The following SLC15A1 variants were observed in gnomAD, a reference collection of about 807,000 sequenced individuals.
SLC15A1 encodes the protein Caco-2 oligopeptide transporter.
A neutral mutation model predicts 92.9 loss-of-function variants in SLC15A1; 83 were observed. That is an observed-to-expected ratio of 0.89 (90% CI 0.75 to 1.07). The LOEUF is 1.07. Among genes scored for constraint, SLC15A1 ranks in the 50% least tolerant of loss-of-function variants. The pLI, the probability that SLC15A1 is intolerant of heterozygous loss-of-function variation, is 0.00. For synonymous variants in SLC15A1, 322 were observed against 318.2 expected, an observed-to-expected ratio of 1.01 and a Z score of -0.13; for missense variants, 857 against 880.1, an observed-to-expected ratio of 0.97 and a Z score of 0.33.
chr13:98,699,288 G>A (rs1214936770), intron 18 of SLC15A1, among the ~76,000 whole-genome samples: 1 of 152,212 alleles, frequency 6.6e-6, no homozygotes, highest in Non-Finnish European at 1.5e-5. Flanking sequence ...GAACCAGTGA[G>A]CTGTCCCTCT....
chr13:98,686,139 C>G (rs777033364), intron 22 of SLC15A1, 51 bp downstream of exon 22: 1 of 1,357,928 alleles, frequency 7.4e-7, no homozygotes, highest in Non-Finnish European at 1.0e-6. Context: ...ACCATGATGA[C>G]CATGAACAGG....
chr13:98,694,763 A>C (rs1307688009), intron 18 of SLC15A1, among the ~76,000 whole-genome samples: 1 of 152,226 alleles, frequency 6.6e-6, no homozygotes, highest in African/African-American at 2.4e-5. Context: ...ATGGTGGCTC[A>C]TGCCTGTAAT....
chr13:98,750,237 C>CT (rs1185506710), intron 1 of SLC15A1, among the ~76,000 whole-genome samples: 2 of 152,080 alleles, frequency 1.3e-5, no homozygotes, highest in East Asian at 3.9e-4. Context: ...CTCAGCCTCC[C>CT]TAGTAGCTGG....
At chr13:98,738,720 C>T (rs745695312) in intron 1 of SLC15A1, among the ~76,000 whole-genome samples, 6 of 152,236 alleles carry the variant, frequency 3.9e-5, no homozygotes, top group Non-Finnish European at 8.8e-5. Flanking sequence ...AAGCCTGCTG[C>T]AGGGGCGGAG....
At chr13:98,750,103 C>T (rs2139618381) in intron 1 of SLC15A1, among the ~76,000 whole-genome samples, 1 of 152,122 alleles carries the variant, frequency 6.6e-6, no homozygotes, top group South Asian at 2.1e-4. Context: ...TGCATTGCCA[C>T]ACCCAAAGCA....
In SLC15A1 at chr13:98,715,929, CT is replaced by C. The variant is rs1341983795; in HGVS notation, c.671del (p.Lys224ArgfsTer60). On this transcript the variant is annotated frameshift_variant, in exon 9 of 23. Coordinates refer to ENST00000376503, the MANE Select transcript of SLC15A1 (RefSeq NM_005073.4). LOFTEE classifies it high-confidence loss of function. ...TGATGTTGCCCTGTGGCTTGAACTTCTTGTACATCCCACTGCCAAGGACAAA... is the reference window on the plus strand; with the variant it reads ...TGATGTTGCCCTGTGGCTTGAACTTCTGTACATCCCACTGCCAAGGACAAA... ...IVFVLGSGMY[K>X]KFKPQGNIMG... The C allele has an allele frequency of 3.7e-6, 6 of 1,614,046 alleles. No homozygotes were observed. The African/African-American group carries it at 8.0e-5, about 22-fold the overall frequency.
chr13:98,738,192 T>C (rs879734028), intron 1 of SLC15A1, among the ~76,000 whole-genome samples: 1 of 152,202 alleles, frequency 6.6e-6, no homozygotes, highest in Non-Finnish European at 1.5e-5. Flanking sequence ...CTAGAACTTA[T>C]ATTTAAAGGG....
At chr13:98,694,004 A>G (rs58877989) in intron 18 of SLC15A1, among the ~76,000 whole-genome samples, 1 of 152,094 alleles carries the variant, frequency 6.6e-6, no homozygotes, top group Non-Finnish European at 1.5e-5. Flanking sequence ...CCAATTGCTT[A>G]CCCCCTAAAT....
intron 1 of SLC15A1, 82 bp from the exon 2 acceptor site, chr13:98,726,941 T>C: frequency 7.1e-7 from 1 of 1,416,154 alleles, no homozygotes; most frequent in East Asian, 2.3e-5. Context: ...GCCTCTGACT[T>C]TTTAGGGTGG....
chr13:98,725,837 C>T (rs1206603643), intron 4 of SLC15A1, among the ~76,000 whole-genome samples: 1 of 152,168 alleles, frequency 6.6e-6, no homozygotes, highest in Admixed American at 6.5e-5. Context: ...CGGATCCTCC[C>T]ACCTCAGCCT....
chr13:98,727,235 T>C (rs1168795846), intron 1 of SLC15A1, among the ~76,000 whole-genome samples: 2 of 152,186 alleles, frequency 1.3e-5, no homozygotes, highest in Non-Finnish European at 2.9e-5. Context: ...ATTTCTGTAA[T>C]ATAAAATGCT....
At position 98,688,394 on chromosome 13, in the gene SLC15A1, G is replaced by A. The variant is rs774181733; in HGVS notation, c.1575-38C>T. 8 of 1,602,704 alleles carry A rather than the reference G, an allele frequency of 5.0e-6. No homozygotes were observed. In the Admixed American group the frequency reaches 1.2e-4, roughly 24 times the overall value. ...AGAATAATATTGGTTAACATTCTTG[G>A]CATTAAAAATTTCAATGCATTTTTT... On this transcript the variant is annotated intron_variant, in intron 19 of 22. Coordinates refer to ENST00000376503, the MANE Select transcript of SLC15A1 (RefSeq NM_005073.4).
chr13:98,704,282 C>A lies in SLC15A1; in HGVS notation c.1416+7G>T. 1 of 1,587,514 alleles carries A rather than the reference C, an allele frequency of 6.3e-7. No homozygotes were observed. ...AAAGAGTCAGCTGTAGGTCTTCACA[C>A]ACTTACCACCTGGTAGTGATTGGGG... On this transcript the variant is annotated splice_region_variant and intron_variant, in intron 17 of 22. Coordinates refer to ENST00000376503, the MANE Select transcript of SLC15A1 (RefSeq NM_005073.4).
chr13:98,708,791 C>A, intron 14 of SLC15A1, 24 bp from the exon 15 acceptor site: 2 of 1,587,198 alleles, frequency 1.3e-6, no homozygotes, highest in Non-Finnish European at 8.6e-7. Context: ...AGAAGAGTGA[C>A]TCTCAACCAG....
chr13:98,691,210 A>AT (rs1471750334), intron 18 of SLC15A1, among the ~76,000 whole-genome samples: 4 of 151,948 alleles, frequency 2.6e-5, no homozygotes, highest in Admixed American at 2.6e-4. Flanking sequence ...CACCTGGCTA[A>AT]TTTTTTGTAT....
chr13:98,707,866 C>T (rs1205079259), intron 15 of SLC15A1, among the ~76,000 whole-genome samples: 1 of 133,454 alleles, frequency 7.5e-6, no homozygotes, highest in East Asian at 2.3e-4. Flanking sequence ...CTCCAGCAGC[C>T]TAGGCGACAG....
intron 1 of SLC15A1, among the ~76,000 whole-genome samples, chr13:98,738,825 C>T (rs2088417077): frequency 6.6e-6 from 1 of 152,216 alleles, no homozygotes; most frequent in Non-Finnish European, 1.5e-5. Flanking sequence ...CCTAGTGGAG[C>T]TGTGAGAAGA....
At chr13:98,728,709 G>A (rs1248588128) in intron 1 of SLC15A1, among the ~76,000 whole-genome samples, 4 of 151,866 alleles carry the variant, frequency 2.6e-5, no homozygotes, top group South Asian at 2.1e-4. Flanking sequence ...GGCTGGGCGC[G>A]GTGGCTCACA....
chr13:98,711,997 C>G, intron 10 of SLC15A1, 54 bp from the exon 11 acceptor site: 1 of 1,331,422 alleles, frequency 7.5e-7, no homozygotes. Flanking sequence ...TCCTGTGCCA[C>G]TCACGGCTTA....
Sources: gnomAD v4.1 joint callset for allele counts (sites outside exome capture counted in the v4.1 genomes callset) on GRCh38, gnomAD v4.1.1 for gene constraint, MANE v1.5 for transcripts, NCBI Gene and HGNC (gene_info 2026-07-23, HGNC 2026-07-21) for gene names.